The following PDE1C variants were observed in gnomAD, a reference collection of about 807,000 sequenced individuals.
PDE1C encodes dual specificity calcium/calmodulin-dependent 3',5'-cyclic nucleotide phosphodiesterase 1C.
PDE1C carries 62 observed loss-of-function variants against 93.1 expected under a neutral mutation model. The observed-to-expected ratio is 0.67, with a 90% CI of 0.54 to 0.82. The LOEUF is 0.82. Ranked by LOEUF, PDE1C falls within the 40% of genes least tolerant of loss-of-function variation. The pLI, the probability that PDE1C is intolerant of heterozygous loss-of-function variation, is 0.00. For missense variants in PDE1C, 742 were observed against 884.6 expected, an observed-to-expected ratio of 0.84 and a Z score of 2.04; for synonymous variants, 325 against 310.1, an observed-to-expected ratio of 1.05 and a Z score of -0.50.
chr7:31,850,602 C>T, intron 8 of PDE1C, 39 bp downstream of exon 8: 1 of 1,310,180 alleles, frequency 7.6e-7, no homozygotes, highest in Non-Finnish European at 1.1e-6. Context: ...GTCTCTCTGA[C>T]CCCTCTTGCC....
At chr7:32,315,762 G>A (rs925275670) in intron 1 of PDE1C, among the ~76,000 whole-genome samples, 2 of 152,166 alleles carry the variant, frequency 1.3e-5, no homozygotes, top group African/African-American at 2.4e-5. Context: ...TTGGGAGGCC[G>A]AGGTGGGTGG....
chr7:31,848,480 TTTA>T (rs1792907423), intron 8 of PDE1C, among the ~76,000 whole-genome samples: 1 of 152,152 alleles, frequency 6.6e-6, no homozygotes, highest in South Asian at 2.1e-4. Context: ...AATGCACTGG[TTTA>T]TTTATTTTAG....
At chr7:32,330,659 T>C (rs1783494734) in intron 1 of PDE1C, among the ~76,000 whole-genome samples, 1 of 152,136 alleles carries the variant, frequency 6.6e-6, no homozygotes, top group African/African-American at 2.4e-5. Context: ...AGCTGGGCCA[T>C]TGAGAGCTGG....
intron 2 of PDE1C, among the ~76,000 whole-genome samples, chr7:32,192,515 T>C (rs915020390): frequency 6.6e-6 from 1 of 152,180 alleles, no homozygotes; most frequent in African/African-American, 2.4e-5. Flanking sequence ...TGTGGATTCA[T>C]TTCTGGGTTT....
rs533041133 is a variant in PDE1C, at chr7:31,994,449, C to T, written c.128+57105G>A. On this transcript the variant is annotated intron_variant, in intron 2 of 17. Coordinates refer to ENST00000396191, the MANE Select transcript of PDE1C (RefSeq NM_001191057.4). Reference sequence around the variant, plus strand: ...AAAAGTAGGTTTGCTATCTATGAGCCGGATGACCCTATGACCTCTCAGTTT... The same window carrying T: ...AAAAGTAGGTTTGCTATCTATGAGCTGGATGACCCTATGACCTCTCAGTTT... 4.3e-4 allele frequency among the ~76,000 whole-genome samples: 65 copies of T among 152,138 alleles called. 1 individual carries two copies. The South Asian group carries it at 0.012, about 28-fold the overall frequency.
the PDE1C span, among the ~76,000 whole-genome samples, chr7:31,624,152 C>T: frequency 6.6e-6 from 1 of 150,768 alleles, no homozygotes; most frequent in African/African-American, 2.4e-5. Flanking sequence ...ACATTCCATG[C>T]TCATGGGTAG....
At chr7:32,008,451 T>C (rs553006456) in intron 2 of PDE1C, among the ~76,000 whole-genome samples, 17 of 152,328 alleles carry the variant, frequency 1.1e-4, no homozygotes, top group African/African-American at 3.8e-4. Context: ...CAGTCTCTGA[T>C]GAACTACACT....
chr7:32,001,499 G>A (rs1584401758), intron 2 of PDE1C, among the ~76,000 whole-genome samples: 1 of 151,884 alleles, frequency 6.6e-6, no homozygotes, highest in Non-Finnish European at 1.5e-5. Context: ...AGCTCCATGA[G>A]CACAACTCCC....
chr7:31,940,058 G>C (rs1805609121), intron 2 of PDE1C, among the ~76,000 whole-genome samples: 2 of 152,166 alleles, frequency 1.3e-5, no homozygotes, highest in African/African-American at 2.4e-5. Flanking sequence ...ATCACCGGGG[G>C]AAGTTTTTAG....
chr7:31,705,815 G>A, the PDE1C span, among the ~76,000 whole-genome samples: 578 of 151,800 alleles, frequency 3.8e-3, 3 homozygotes, highest in African/African-American at 0.013. Context: ...GGGATGACAG[G>A]GACCATGGAG....
rs572485100 is a variant in PDE1C at position 32,125,849 on chromosome 7, A to T, written c.308+43936T>A. On this transcript the variant is annotated intron_variant, in intron 3 of 18. Coordinates refer to the PDE1C transcript ENST00000396193. ...TATCCTAGAACTTAAAGTAAAATTT[A>T]AAAAAAAGAAAAAACATAATGGGAT... Among the ~76,000 whole-genome samples, 420 of 152,078 alleles carry T rather than the reference A, an allele frequency of 2.8e-3. 1 individual carries two copies. In the Middle Eastern group the frequency reaches 0.037, roughly 14 times the overall value.
At chr7:31,674,099 AC>A in the PDE1C span, among the ~76,000 whole-genome samples, 1 of 152,302 alleles carries the variant, frequency 6.6e-6, no homozygotes, top group East Asian at 1.9e-4. Flanking sequence ...TGCAACTTAA[AC>A]TATCAAGATA....
intron 3 of PDE1C, among the ~76,000 whole-genome samples, chr7:32,090,911 A>T (rs1797434675): frequency 6.6e-6 from 1 of 152,254 alleles, no homozygotes; most frequent in African/African-American, 2.4e-5. Context: ...TTTTAGCATT[A>T]CAAGAAAATG....
rs576139513 is a variant in PDE1C at position 32,413,109 on chromosome 7, C to T, written c.310+14713G>A. On this transcript the variant is annotated intron_variant, in intron 1 of 1. Coordinates refer to the PDE1C transcript ENST00000672256. ...CACATTTTATTGTATATAAATTGTACATCAAAACAAGAAAATAAACAGCAA... is the reference window on the plus strand; with the variant it reads ...CACATTTTATTGTATATAAATTGTATATCAAAACAAGAAAATAAACAGCAA... Among the ~76,000 whole-genome samples the T allele has an allele frequency of 3.3e-5, 5 of 152,164 alleles. No homozygotes were observed. The East Asian group carries it at 7.7e-4, about 24-fold the overall frequency.
chr7:32,177,548 C>A (rs1041512735), intron 2 of PDE1C, among the ~76,000 whole-genome samples: 2 of 152,114 alleles, frequency 1.3e-5, no homozygotes, highest in African/African-American at 4.8e-5. Context: ...GAGTCTGCAC[C>A]CCCAACCACC....
chr7:32,175,764 C>A (rs570541312), intron 2 of PDE1C, among the ~76,000 whole-genome samples: 2 of 152,324 alleles, frequency 1.3e-5, no homozygotes, highest in Non-Finnish European at 2.9e-5. Context: ...AGCGTCCTAT[C>A]TATCTCACCC....
At chr7:31,798,383 C>T (rs1785572095) in intron 16 of PDE1C, among the ~76,000 whole-genome samples, 1 of 151,630 alleles carries the variant, frequency 6.6e-6, no homozygotes, top group Non-Finnish European at 1.5e-5. Flanking sequence ...CCCGAGCTCC[C>T]AGATGAAGGA....
rs556987728 is a variant in PDE1C at position 31,990,324 on chromosome 7, T to C, written c.128+61230A>G. Among the ~76,000 whole-genome samples, 81 of 152,334 alleles carry C rather than the reference T, an allele frequency of 5.3e-4. 1 individual carries two copies. The highest frequency in any genetic ancestry group is 1.8e-3 in the African/African-American group (76 of 41,582). On this transcript the variant is annotated intron_variant, in intron 2 of 17. Transcript: ENST00000396191. ...TTTTATAAATGGGAGTTCCCCCACA[T>C]AAGCTTTCTTTCCTGCTGCCATGTA... is the stretch of plus-strand genomic sequence containing the variant.
intron 3 of PDE1C, among the ~76,000 whole-genome samples, chr7:32,102,616 A>G (rs1475475646): frequency 3.9e-5 from 6 of 152,224 alleles, no homozygotes; most frequent in Non-Finnish European, 8.8e-5. Context: ...TGTCCAGGAA[A>G]AATAAAACTC....
Sources: gnomAD v4.1 joint callset for allele counts (sites outside exome capture counted in the v4.1 genomes callset) on GRCh38, gnomAD v4.1.1 for gene constraint, MANE v1.5 for transcripts, NCBI Gene and HGNC (gene_info 2026-07-23, HGNC 2026-07-21) for gene names.